GRIK3: variants seen among roughly 807,000 people sequenced by gnomAD.
GRIK3 encodes glutamate ionotropic receptor kainate type subunit 3, also known as glutamate receptor ionotropic, kainate 3.
GRIK3 carries 29 observed loss-of-function variants against 102.5 expected under a neutral mutation model. The observed-to-expected ratio is 0.28, with a 90% CI of 0.21 to 0.39. The LOEUF (loss-of-function observed/expected upper bound fraction) is 0.39. GRIK3 is among the 10% of genes least tolerant of loss of function. GRIK3 has a pLI of 1.00. For missense variants in GRIK3, 908 were observed against 1,252.4 expected (o/e 0.73, Z 4.15); for synonymous variants, 511 against 504.9 (o/e 1.01, Z -0.16).
At chr1:36,992,163 A>G (rs2124005604) in intron 1 of GRIK3, among the ~76,000 whole-genome samples, 1 of 152,354 alleles carries the variant, frequency 6.6e-6, no homozygotes, top group East Asian at 1.9e-4. Flanking sequence ...ACACGATGCC[A>G]TCTTCCGCCC....
chr1:36,975,414 C>T (rs1642185976), intron 1 of GRIK3, among the ~76,000 whole-genome samples: 1 of 151,346 alleles, frequency 6.6e-6, no homozygotes, highest in African/African-American at 2.4e-5. Context: ...CCTGCCTCAG[C>T]TTCTTGAGTA....
chr1:36,850,453 G>C lies in GRIK3; in HGVS notation c.1213-29C>G. 1.4e-6 allele frequency: 2 copies of C among 1,381,958 alleles called. No homozygotes were observed. The highest frequency in any genetic ancestry group is 2.1e-6 in the Non-Finnish European group (2 of 968,066). 85.6% of individuals were successfully genotyped at this position (1,381,958 alleles called of 1,614,324 possible). ...GATGGACACAGACAGAAAACAGGGT[G>C]CCGAGTCCTTGGTCTACCCATCTTC... is the stretch of plus-strand genomic sequence containing the variant. On this transcript the variant is annotated intron_variant, in intron 8 of 15. Coordinates refer to ENST00000373091, the MANE Select transcript of GRIK3 (RefSeq NM_000831.4). The surrounding 1 kb of genome is among the most constrained non-coding windows in gnomAD (Gnocchi z 4.0).
intron 1 of GRIK3, among the ~76,000 whole-genome samples, chr1:36,948,194 A>T (rs1641805745): frequency 1.3e-5 from 2 of 152,208 alleles, no homozygotes; most frequent in Non-Finnish European, 2.9e-5. Context: ...CAGTGAAGAG[A>T]GAAGGAAAAC....
intron 1 of GRIK3, among the ~76,000 whole-genome samples, chr1:36,968,065 G>A (rs943581863): frequency 6.6e-6 from 1 of 152,084 alleles, no homozygotes; most frequent in Non-Finnish European, 1.5e-5. Context: ...GTTCTGTGAT[G>A]GTGGCAGACT....
intron 13 of GRIK3, among the ~76,000 whole-genome samples, chr1:36,810,173 T>C (rs1642546616): frequency 6.6e-6 from 1 of 152,130 alleles, no homozygotes; most frequent in Admixed American, 6.5e-5. Flanking sequence ...TCCAGAGCCC[T>C]TCATGGACTC....
chr1:36,938,120 T>A (rs1157507287), intron 1 of GRIK3, among the ~76,000 whole-genome samples: 1 of 152,202 alleles, frequency 6.6e-6, no homozygotes, highest in African/African-American at 2.4e-5. Flanking sequence ...TTCAGTGCAA[T>A]CTGCACCTGC....
chr1:36,896,330 A>G (rs928469720), intron 1 of GRIK3, among the ~76,000 whole-genome samples: 4 of 152,180 alleles, frequency 2.6e-5, no homozygotes, highest in African/African-American at 9.6e-5. Flanking sequence ...ATGCTTATAT[A>G]TGAGCAAAAT....
intron 9 of GRIK3, among the ~76,000 whole-genome samples, chr1:36,848,912 G>C (rs1557701609): frequency 6.6e-6 from 1 of 151,416 alleles, no homozygotes; most frequent in East Asian, 1.9e-4. Flanking sequence ...TGAGGTTTTA[G>C]GGAAGAAGAT....
chr1:36,968,580 C>T (rs974979657), intron 1 of GRIK3, among the ~76,000 whole-genome samples: 1 of 152,220 alleles, frequency 6.6e-6, no homozygotes, highest in Non-Finnish European at 1.5e-5. Flanking sequence ...GGTAGCTCCT[C>T]CACCTCTCTC....
At chr1:37,014,135 T>C (rs1381219820) in intron 1 of GRIK3, among the ~76,000 whole-genome samples, 1 of 152,250 alleles carries the variant, frequency 6.6e-6, no homozygotes, top group Non-Finnish European at 1.5e-5. Context: ...AACCATAGCA[T>C]GGCCTTCCAA....
At chr1:37,000,322 G>T (rs1230135481) in intron 1 of GRIK3, among the ~76,000 whole-genome samples, 8 of 152,140 alleles carry the variant, frequency 5.3e-5, no homozygotes, top group African/African-American at 1.9e-4. Context: ...TACTTTTATT[G>T]AGCATTTACT....
At chr1:37,013,984 G>C (rs1642625574) in intron 1 of GRIK3, among the ~76,000 whole-genome samples, 1 of 152,128 alleles carries the variant, frequency 6.6e-6, no homozygotes, top group Non-Finnish European at 1.5e-5. Context: ...TCTGTTCTTT[G>C]ACCTTGCCAA....
chr1:36,960,324 C>T (rs1416652817), intron 1 of GRIK3, among the ~76,000 whole-genome samples: 1 of 151,368 alleles, frequency 6.6e-6, no homozygotes, highest in Non-Finnish European at 1.5e-5. Context: ...GCCCCATGAG[C>T]CTGTGTGACC....
chr1:36,915,635 C>T (rs900884330), intron 1 of GRIK3, among the ~76,000 whole-genome samples: 1 of 151,966 alleles, frequency 6.6e-6, no homozygotes, highest in Non-Finnish European at 1.5e-5. Context: ...AGGTCTTTCC[C>T]GTGCTGTTTT....
intron 1 of GRIK3, among the ~76,000 whole-genome samples, chr1:36,900,422 A>G (rs192925761): frequency 2.0e-5 from 3 of 152,150 alleles, no homozygotes; most frequent in African/African-American, 7.2e-5. Flanking sequence ...CTACAGCCAC[A>G]TACCACTGTG....
chr1:36,867,615 T>A (rs1057462801), intron 5 of GRIK3, among the ~76,000 whole-genome samples: 19 of 151,652 alleles, frequency 1.3e-4, no homozygotes, highest in African/African-American at 4.6e-4. Flanking sequence ...GGCACTTGGG[T>A]GGGAGGGGTG....
intron 10 of GRIK3, among the ~76,000 whole-genome samples, chr1:36,834,581 TG>T (rs1198529719): frequency 1.3e-5 from 2 of 152,140 alleles, no homozygotes; most frequent in Non-Finnish European, 2.9e-5. Flanking sequence ...TGAGAAAGGA[TG>T]GGTGTGCCTC....
chr1:37,014,671 G>A (rs1642633112), intron 1 of GRIK3, among the ~76,000 whole-genome samples: 1 of 152,206 alleles, frequency 6.6e-6, no homozygotes, highest in Non-Finnish European at 1.5e-5. Flanking sequence ...GGAAGCTAGA[G>A]ATAAGCAGAG....
chr1:36,945,694 T>G (rs1326212234), intron 1 of GRIK3, among the ~76,000 whole-genome samples: 1 of 152,224 alleles, frequency 6.6e-6, no homozygotes, highest in Admixed American at 6.5e-5. Flanking sequence ...TTTTGGTGTG[T>G]GTAATTTCAT....
Sources: gnomAD v4.1 joint callset for allele counts (sites outside exome capture counted in the v4.1 genomes callset) on GRCh38, gnomAD v4.1.1 for gene constraint, Gnocchi (gnomAD v3.1) non-coding constraint, MANE v1.5 for transcripts, NCBI Gene and HGNC (gene_info 2026-07-23, HGNC 2026-07-21) for gene names.